Variants in KCNJ6 observed in about 807,000 individuals in gnomAD.
The protein encoded by KCNJ6 is G protein-activated inward rectifier potassium channel 2.
A neutral mutation model predicts 34.2 loss-of-function variants in KCNJ6; 9 were observed. The observed-to-expected ratio is 0.26, with a 90% CI of 0.16 to 0.46. The LOEUF is 0.46. Ranked by LOEUF, KCNJ6 falls within the 20% of genes least tolerant of loss-of-function variation. The pLI is 1.00. For synonymous variants in KCNJ6, 196 were observed against 207.1 expected (o/e 0.95, Z 0.46); for missense variants, 236 against 531.3 (o/e 0.44, Z 5.46).
Position 37,616,008 on chromosome 21 carries a change from G to A in KCNJ6, c.*9151C>T, listed in dbSNP as rs2054265396. The A allele has an allele frequency of 1.3e-5, 2 of 152,354 alleles. No homozygotes were observed. The highest frequency in any genetic ancestry group is 4.1e-4 in the South Asian group (2 of 4,830). The allele number at this position is 152,354 out of a possible 1,614,324, so 9.4% of individuals were successfully genotyped here. A position where few individuals can be genotyped will look rare whatever the true frequency, so the allele number is the denominator to read the frequency against. On this transcript the variant is annotated 3_prime_UTR_variant, in exon 4 of 4. Transcript: ENST00000609713. ...GGGAATACCCCAGACCTGGCGTGCG[G>A]AGGGAGCTCCTGTGTGCTGGGTCCT...
chr21:37,865,884 GCAGAA>G (rs1395146622), intron 1 of KCNJ6, among the ~76,000 whole-genome samples: 1 of 152,156 alleles, frequency 6.6e-6, no homozygotes, highest in African/African-American at 2.4e-5. Context: ...CTCAACCGTT[GCAGAA>G]CACACATTTA....
intron 3 of KCNJ6, among the ~76,000 whole-genome samples, chr21:37,694,563 C>T (rs1048979750): frequency 6.6e-6 from 1 of 152,200 alleles, no homozygotes; most frequent in African/African-American, 2.4e-5. Flanking sequence ...GTTCTCTATT[C>T]CAGGTGTCAG....
intron 2 of KCNJ6, among the ~76,000 whole-genome samples, chr21:37,762,679 G>A (rs2055071670): frequency 6.6e-6 from 1 of 152,180 alleles, no homozygotes; most frequent in African/African-American, 2.4e-5. Context: ...TGGGCCTTCT[G>A]CTGGGGAGGC....
intron 2 of KCNJ6, among the ~76,000 whole-genome samples, chr21:37,716,911 G>A (rs950286423): frequency 2.0e-5 from 3 of 150,792 alleles, no homozygotes; most frequent in African/African-American, 7.4e-5. Context: ...TGTGTCGTTT[G>A]ACTCTGCCAT....
intron 1 of KCNJ6, among the ~76,000 whole-genome samples, chr21:37,879,512 T>C (rs1385379371): frequency 6.6e-6 from 1 of 152,128 alleles, no homozygotes; most frequent in Non-Finnish European, 1.5e-5. Context: ...GCGTGAGTGA[T>C]ATCCAGGACT....
chr21:37,859,532 A>ATATAAATAT (rs1568875152), intron 1 of KCNJ6, among the ~76,000 whole-genome samples: 10 of 77,804 alleles, frequency 1.3e-4, no homozygotes, highest in African/African-American at 7.5e-4. Context: ...TATATATATA[A>ATATAAATAT]AATACTTAAA....
At chr21:37,711,162 C>T (rs912829085) in intron 3 of KCNJ6, among the ~76,000 whole-genome samples, 2 of 152,224 alleles carry the variant, frequency 1.3e-5, no homozygotes, top group Non-Finnish European at 2.9e-5. Flanking sequence ...CCTGACCCTG[C>T]AATGCGGCTG....
At chr21:37,742,499 C>T (rs2054945992) in intron 2 of KCNJ6, among the ~76,000 whole-genome samples, 1 of 80,626 alleles carries the variant, frequency 1.2e-5, no homozygotes, top group South Asian at 6.0e-4. Flanking sequence ...TTTAATTAAC[C>T]CAGAAAAATA....
intron 2 of KCNJ6, among the ~76,000 whole-genome samples, chr21:37,830,260 G>T (rs1380306133): frequency 6.6e-6 from 1 of 152,284 alleles, no homozygotes; most frequent in East Asian, 1.9e-4. Flanking sequence ...CCAGTGTTAG[G>T]CAAGTGGAAG....
At chr21:37,775,898 G>A in intron 2 of KCNJ6, among the ~76,000 whole-genome samples, 1 of 151,968 alleles carries the variant, frequency 6.6e-6, no homozygotes, top group East Asian at 1.9e-4. Context: ...AAAGTCATTG[G>A]TAGCTTGATG....
At chr21:37,848,029 GAGA>G (rs1318651731) in intron 1 of KCNJ6, among the ~76,000 whole-genome samples, 4 of 152,238 alleles carry the variant, frequency 2.6e-5, no homozygotes, top group African/African-American at 4.8e-5. Flanking sequence ...GGCTTGGTGT[GAGA>G]AGAAGAGCAG....
intron 2 of KCNJ6, among the ~76,000 whole-genome samples, chr21:37,731,100 AGTGT>A (rs113587330): frequency 0.11 from 15,042 of 134,708 alleles, 970 homozygotes; most frequent in African/African-American, 0.19. Context: ...AGATGAGAGA[AGTGT>A]GTGTGTGTGT....
Position 37,720,216 on chromosome 21 carries a change from C to T in KCNJ6, c.26-5085G>A, listed in dbSNP as rs1036506480. The stretch of plus-strand genomic sequence containing the variant: ...AAAAACAAATTGCCAAACAACACAT[C>T]GAGACACTCTAGATACCTGATTTAA... On this transcript the variant is annotated intron_variant, in intron 2 of 3. Transcript: ENST00000609713. 5.3e-5 allele frequency among the ~76,000 whole-genome samples: 8 copies of T among 151,926 alleles called. No individual in the cohort carries two copies. In the East Asian group the frequency reaches 5.8e-4, roughly 11 times the overall value.
chr21:37,898,605 A>C (rs1433896538), intron 1 of KCNJ6, among the ~76,000 whole-genome samples: 1 of 152,066 alleles, frequency 6.6e-6, no homozygotes, highest in Non-Finnish European at 1.5e-5. Context: ...AAAAAAAGAA[A>C]AAAAGAAAAA....
chr21:37,702,625 G>A (rs1290029032), intron 3 of KCNJ6, among the ~76,000 whole-genome samples: 1 of 152,154 alleles, frequency 6.6e-6, no homozygotes, highest in Admixed American at 6.6e-5. Context: ...TCAGGGGAGA[G>A]GTTAGTACTG....
At chr21:37,740,713 C>T (rs1420291867) in intron 2 of KCNJ6, among the ~76,000 whole-genome samples, 1 of 152,214 alleles carries the variant, frequency 6.6e-6, no homozygotes, top group East Asian at 1.9e-4. Flanking sequence ...CAGAGTTTGA[C>T]TCTTTTCATT....
intron 3 of KCNJ6, among the ~76,000 whole-genome samples, chr21:37,631,826 A>T (rs1328790375): frequency 1.3e-5 from 2 of 152,140 alleles, no homozygotes; most frequent in Non-Finnish European, 2.9e-5. Context: ...GGACTTCCCC[A>T]CCAGCCCTGA....
chr21:37,889,944 T>C (rs952907488), intron 1 of KCNJ6, among the ~76,000 whole-genome samples: 3 of 152,254 alleles, frequency 2.0e-5, no homozygotes, highest in Non-Finnish European at 4.4e-5. Flanking sequence ...TGAGTATGTC[T>C]TTTTGAGGGA....
At position 37,624,999 on chromosome 21, in the gene KCNJ6, AG is replaced by A; in HGVS notation, c.*159del. ...TCAATCTGAATAACTGAGAGAGGGCAGGTAGATATTTTACACCTTGAAGATT... is the reference window on the plus strand; with the variant it reads ...TCAATCTGAATAACTGAGAGAGGGCAGTAGATATTTTACACCTTGAAGATT... On this transcript the variant is annotated 3_prime_UTR_variant, in exon 4 of 4. Coordinates refer to ENST00000609713, the MANE Select transcript of KCNJ6 (RefSeq NM_002240.5). 1.6e-6 allele frequency: 1 copy of A among 619,632 alleles called. No individual in the cohort carries two copies. Among genetic ancestry groups the A allele is most frequent in the Non-Finnish European group, 2.8e-6 (1 of 352,366 alleles). 38.4% of individuals were successfully genotyped at this position (619,632 alleles called of 1,614,324 possible). A position where few individuals can be genotyped will look rare whatever the true frequency, so the allele number is the denominator to read the frequency against.
Sources: gnomAD v4.1 joint callset for allele counts (sites outside exome capture counted in the v4.1 genomes callset) on GRCh38, gnomAD v4.1.1 for gene constraint, MANE v1.5 for transcripts, NCBI Gene and HGNC (gene_info 2026-07-23, HGNC 2026-07-21) for gene names.